Variants in ROBO1 observed in about 807,000 individuals in gnomAD.
The protein encoded by ROBO1 is roundabout guidance receptor 1, also known as roundabout homolog 1.
ROBO1 carries 149 observed loss-of-function variants against 195.9 expected under a neutral mutation model. The observed-to-expected ratio is 0.76, with a 90% CI of 0.67 to 0.87. The LOEUF is 0.87. ROBO1 is among the 40% of genes least tolerant of loss of function. The pLI is 0.00. For synonymous variants in ROBO1, 816 were observed against 733.2 expected, an observed-to-expected ratio of 1.11 and a Z score of -1.82; for missense variants, 1,933 against 2,068.3, an observed-to-expected ratio of 0.93 and a Z score of 1.27.
chr3:78,688,881 T>C (rs372110535), intron 8 of ROBO1, 109 bp from the exon 9 acceptor site: 2 of 1,081,038 alleles, frequency 1.9e-6, no homozygotes, highest in South Asian at 2.1e-5. Context: ...CAACATGTTA[T>C]GTAAAACAGT....
At chr3:79,380,080 C>T (rs2036518942) in intron 2 of ROBO1, among the ~76,000 whole-genome samples, 1 of 152,182 alleles carries the variant, frequency 6.6e-6, no homozygotes, top group Non-Finnish European at 1.5e-5. Flanking sequence ...TTCTAACCTT[C>T]CAATTTTCTC....
rs541866822 is a variant in ROBO1 at position 78,937,838 on chromosome 3, G to T, written c.499+763C>A. Among the ~76,000 whole-genome samples the T allele has an allele frequency of 2.4e-4, 36 of 152,164 alleles. No individual in the cohort carries two copies. The East Asian group carries it at 6.6e-3, about 28-fold the overall frequency. On this transcript the variant is annotated intron_variant, in intron 4 of 30. Transcript: ENST00000464233. ...ATACTTTTTTGATATAGCTTTAATA[G>T]AAATATATTTCTAAGAATTAGAAAT... is the stretch of plus-strand genomic sequence containing the variant.
intron 29 of ROBO1, among the ~76,000 whole-genome samples, chr3:78,602,833 T>TA (rs1703254768): frequency 6.6e-6 from 1 of 152,182 alleles, no homozygotes; most frequent in Admixed American, 6.6e-5. Context: ...CTCACTCCCT[T>TA]AGATATCTTC....
rs1461545276 is a variant in ROBO1 at position 78,885,201 on chromosome 3, TAAA to T, written c.499+53397_499+53399del. ...CATGTTCTCACTTATAGGTGGAAAC[TAAA>T]TGATGAGAATACATGGACACATAGA... On this transcript the variant is annotated intron_variant, in intron 4 of 30. Coordinates refer to ENST00000464233, the MANE Select transcript of ROBO1 (RefSeq NM_002941.4). Among the ~76,000 whole-genome samples, 6 of 151,808 alleles carry T rather than the reference TAAA, an allele frequency of 4.0e-5. No individual in the cohort carries two copies. In the East Asian group the frequency reaches 1.2e-3, roughly 30 times the overall value.
intron 9 of ROBO1, among the ~76,000 whole-genome samples, chr3:78,686,595 T>C (rs1179624295): frequency 6.6e-6 from 1 of 151,152 alleles, no homozygotes; most frequent in Non-Finnish European, 1.5e-5. Context: ...TGGTAAAAAA[T>C]GTTGACATAT....
At chr3:79,610,039 TAA>T (rs1944608473) in intron 1 of ROBO1, among the ~76,000 whole-genome samples, 2 of 151,924 alleles carry the variant, frequency 1.3e-5, no homozygotes, top group Non-Finnish European at 2.9e-5. Flanking sequence ...TCTAAAATTA[TAA>T]ATAGACTAAA....
intron 2 of ROBO1, among the ~76,000 whole-genome samples, chr3:79,194,062 T>A (rs1161735062): frequency 6.6e-6 from 1 of 151,670 alleles, no homozygotes; most frequent in Non-Finnish European, 1.5e-5. Flanking sequence ...AGCCCTGCCA[T>A]TTCCTAAATA....
chr3:79,747,631 A>G (rs1333836124), intron 1 of ROBO1, among the ~76,000 whole-genome samples: 2 of 152,048 alleles, frequency 1.3e-5, no homozygotes, highest in Non-Finnish European at 2.9e-5. Flanking sequence ...TCCTCTGAGC[A>G]TAATATTTTC....
At chr3:78,859,755 T>C (rs1484194081) in intron 4 of ROBO1, among the ~76,000 whole-genome samples, 1 of 151,882 alleles carries the variant, frequency 6.6e-6, no homozygotes, top group East Asian at 1.9e-4. Context: ...AGAAGGGGCA[T>C]TGGGAAATAA....
At chr3:79,341,967 G>T (rs968421262) in intron 2 of ROBO1, among the ~76,000 whole-genome samples, 1 of 152,140 alleles carries the variant, frequency 6.6e-6, no homozygotes, top group Non-Finnish European at 1.5e-5. Flanking sequence ...AGGCAGAGGA[G>T]TTAGGAACAA....
chr3:79,653,621 A>G (rs1946077413), intron 1 of ROBO1, among the ~76,000 whole-genome samples: 1 of 151,996 alleles, frequency 6.6e-6, no homozygotes, highest in African/African-American at 2.4e-5. Context: ...TCTAAAATGA[A>G]TAGATCAGTG....
intron 4 of ROBO1, among the ~76,000 whole-genome samples, chr3:78,804,914 C>T (rs2084489074): frequency 6.6e-6 from 1 of 152,088 alleles, no homozygotes; most frequent in Admixed American, 6.5e-5. Context: ...TTAAGCTCAG[C>T]ACTTCTTGGG....
intron 3 of ROBO1, among the ~76,000 whole-genome samples, chr3:79,080,692 G>A (rs1206599256): frequency 2.0e-5 from 3 of 152,000 alleles, no homozygotes; most frequent in Admixed American, 6.6e-5. Flanking sequence ...TAAATTTTAG[G>A]AAAGGTCATG....
intron 8 of ROBO1, among the ~76,000 whole-genome samples, chr3:78,705,411 A>C (rs2107972739): frequency 6.6e-6 from 1 of 152,340 alleles, no homozygotes; most frequent in South Asian, 2.1e-4. Context: ...GCTGACGGAT[A>C]TTTGTATTAC....
Position 79,508,623 on chromosome 3 carries a change from G to C in ROBO1, c.88+81201C>G, listed in dbSNP as rs575511796. Among the ~76,000 whole-genome samples, 12 of 152,158 alleles carry C rather than the reference G, an allele frequency of 7.9e-5. 1 individual carries two copies. The East Asian group carries it at 2.3e-3, about 29-fold the overall frequency. On this transcript the variant is annotated intron_variant, in intron 2 of 30. Transcript: ENST00000464233. ...TATGGCTTTTCATTCCCCCAAAAAGGAATTCTCAGAAATTACGTTTGATTA... is the reference window on the plus strand; with the variant it reads ...TATGGCTTTTCATTCCCCCAAAAAGCAATTCTCAGAAATTACGTTTGATTA...
At chr3:78,829,557 T>C (rs1434148628) in intron 4 of ROBO1, among the ~76,000 whole-genome samples, 1 of 152,058 alleles carries the variant, frequency 6.6e-6, no homozygotes, top group South Asian at 2.1e-4. Flanking sequence ...GTCAGTGTGT[T>C]TGCATCCCCC....
intron 3 of ROBO1, among the ~76,000 whole-genome samples, chr3:79,062,324 T>G (rs1241608139): frequency 1.3e-5 from 2 of 151,968 alleles, no homozygotes; most frequent in South Asian, 2.1e-4. Flanking sequence ...GTTAGAATGG[T>G]GATCATTAAA....
intron 2 of ROBO1, among the ~76,000 whole-genome samples, chr3:79,582,809 C>A (rs1323130572): frequency 6.6e-6 from 1 of 151,988 alleles, no homozygotes. Flanking sequence ...TTTCTACCAA[C>A]CAAATAAGTT....
chr3:78,992,563 C>T (rs757729609), intron 3 of ROBO1, among the ~76,000 whole-genome samples: 15 of 152,260 alleles, frequency 9.9e-5, no homozygotes, highest in Middle Eastern at 3.4e-3. Flanking sequence ...TGAATTATTA[C>T]TTGTATGACA....
Sources: allele counts gnomAD v4.1 joint callset (sites outside exome capture counted in the v4.1 genomes callset), GRCh38; gene constraint gnomAD v4.1.1; transcripts MANE v1.5; gene names NCBI Gene and HGNC (gene_info 2026-07-23, HGNC 2026-07-21).